CFAP299: variants seen among roughly 807,000 people sequenced by gnomAD.
The protein encoded by CFAP299 is cilia and flagella associated protein 299, also known as cilia- and flagella-associated protein 299.
CFAP299 carries 21 observed loss-of-function variants against 27.0 expected under a neutral mutation model. The ratio of observed to expected loss-of-function variants is 0.78; its 90% CI spans 0.55 to 1.12. The LOEUF is 1.12. Ranked by LOEUF, CFAP299 falls within the 50% of genes most tolerant of loss-of-function variation. The pLI is 0.00. For missense variants in CFAP299, 310 were observed against 276.6 expected (o/e 1.12, Z -0.86); for synonymous variants, 104 against 98.1 (o/e 1.06, Z -0.36).
Position 80,788,693 on chromosome 4 carries a change from A to T in CFAP299, c.334-81300A>T, listed in dbSNP as rs1366863188. 2.0e-5 allele frequency among the ~76,000 whole-genome samples: 3 copies of T among 151,874 alleles called. No homozygotes were observed. In the East Asian group the frequency reaches 5.8e-4, roughly 29 times the overall value. ...AAAAGATCTTTTCTTCTGTTTGCTG[A>T]CCATTCTAGGTGCACAGTTTATACT... On this transcript the variant is annotated intron_variant, in intron 3 of 5. Transcript: ENST00000358105.
chr4:80,411,375 C>G (rs1329567920), intron 2 of CFAP299, among the ~76,000 whole-genome samples: 4 of 152,064 alleles, frequency 2.6e-5, no homozygotes, highest in Non-Finnish European at 5.9e-5. Context: ...TTATCACTGC[C>G]TAAGGTTTGC....
chr4:80,368,566 A>G (rs1723961795), intron 2 of CFAP299, among the ~76,000 whole-genome samples: 2 of 152,118 alleles, frequency 1.3e-5, no homozygotes, highest in South Asian at 2.1e-4. Flanking sequence ...TTGAGATAGA[A>G]CTGCCTGAGC....
intron 3 of CFAP299, among the ~76,000 whole-genome samples, chr4:80,690,461 T>C (rs2110015363): frequency 6.6e-6 from 1 of 151,954 alleles, no homozygotes; most frequent in South Asian, 2.1e-4. Flanking sequence ...CATAACGAAA[T>C]GAAGGCAGAA....
At chr4:80,401,449 C>A (rs1044264193) in intron 2 of CFAP299, among the ~76,000 whole-genome samples, 19 of 152,278 alleles carry the variant, frequency 1.2e-4, no homozygotes, top group African/African-American at 4.1e-4. Flanking sequence ...CTGAAAGGGG[C>A]CAATGTACAG....
At chr4:80,488,652 A>G (rs1327308506) in intron 2 of CFAP299, among the ~76,000 whole-genome samples, 4 of 152,026 alleles carry the variant, frequency 2.6e-5, no homozygotes, top group Non-Finnish European at 4.4e-5. Flanking sequence ...TTGTTTTTGT[A>G]TTCTTAATAG....
At chr4:80,803,880 A>T (rs1728735247) in intron 3 of CFAP299, among the ~76,000 whole-genome samples, 1 of 151,994 alleles carries the variant, frequency 6.6e-6, no homozygotes, top group Admixed American at 6.6e-5. Flanking sequence ...TTGTGCTGTT[A>T]CAACAAAATA....
At chr4:80,797,258 G>T (rs1194773795) in intron 3 of CFAP299, among the ~76,000 whole-genome samples, 1 of 152,122 alleles carries the variant, frequency 6.6e-6, no homozygotes, top group African/African-American at 2.4e-5. Context: ...CCTTCCTCAA[G>T]GGGACCCAGC....
intron 2 of CFAP299, among the ~76,000 whole-genome samples, chr4:80,393,132 G>A (rs931209089): frequency 6.6e-6 from 1 of 152,052 alleles, no homozygotes; most frequent in South Asian, 2.1e-4. Context: ...TAACAAAAAA[G>A]TTTTAAAAGC....
intron 2 of CFAP299, among the ~76,000 whole-genome samples, chr4:80,417,807 C>T (rs1467407761): frequency 1.3e-5 from 2 of 151,836 alleles, no homozygotes; most frequent in Non-Finnish European, 2.9e-5. Context: ...CGTATATGTA[C>T]ATGTGTATAT....
chr4:80,349,291 A>G (rs1722908556), intron 1 of CFAP299, among the ~76,000 whole-genome samples: 1 of 152,194 alleles, frequency 6.6e-6, no homozygotes, highest in African/African-American at 2.4e-5. Flanking sequence ...GTTCACCCTG[A>G]CATGTAACTA....
intron 2 of CFAP299, among the ~76,000 whole-genome samples, chr4:80,455,577 A>G (rs888320470): frequency 3.9e-5 from 6 of 152,214 alleles, no homozygotes; most frequent in Non-Finnish European, 7.3e-5. Flanking sequence ...AAAAAGATAG[A>G]TGGAATGAAG....
intron 2 of CFAP299, chr4:80,386,274 C>A (rs1724983666): frequency 8.2e-7 from 1 of 1,226,654 alleles, no homozygotes; most frequent in Non-Finnish European, 1.2e-6. Flanking sequence ...TGGAGCCCAG[C>A]CCCTCAGCTG....
At position 80,934,945 on chromosome 4, in the gene CFAP299, G is replaced by C. The variant is rs192339268; in HGVS notation, c.477-9865G>C. The stretch of plus-strand genomic sequence containing the variant: ...CTGAGTTTAGCTTTTTGTTTTTATA[G>C]CTCCTTGAATATAAATTTAGATTAT... On this transcript the variant is annotated intron_variant, in intron 4 of 5. Coordinates refer to ENST00000358105, the MANE Select transcript of CFAP299 (RefSeq NM_152770.3). Among the ~76,000 whole-genome samples, 611 of 151,530 alleles carry C rather than the reference G, an allele frequency of 4.0e-3. 1 individual carries two copies. The highest frequency in any genetic ancestry group is 0.014 in the Middle Eastern group (4 of 292).
intron 3 of CFAP299, among the ~76,000 whole-genome samples, chr4:80,746,022 C>T (rs1724563995): frequency 6.6e-6 from 1 of 152,128 alleles, no homozygotes; most frequent in South Asian, 2.1e-4. Flanking sequence ...CTTCTGGGTT[C>T]AGGTGATCAG....
intron 2 of CFAP299, among the ~76,000 whole-genome samples, chr4:80,442,418 A>C (rs1391213027): frequency 6.6e-6 from 1 of 152,238 alleles, no homozygotes; most frequent in Non-Finnish European, 1.5e-5. Flanking sequence ...AAAACCGCAG[A>C]ACTACATGGA....
chr4:80,687,885 G>T (rs376070922), intron 3 of CFAP299, among the ~76,000 whole-genome samples: 3 of 152,212 alleles, frequency 2.0e-5, no homozygotes, highest in Non-Finnish European at 4.4e-5. Flanking sequence ...GGAAGCACAG[G>T]GGGGTCAGGG....
chr4:80,892,031 A>G (rs1004912507), intron 4 of CFAP299, among the ~76,000 whole-genome samples: 62 of 152,218 alleles, frequency 4.1e-4, no homozygotes, highest in Middle Eastern at 3.4e-3. Context: ...TGGAATGACA[A>G]AAGACCCAGA....
intron 3 of CFAP299, among the ~76,000 whole-genome samples, chr4:80,748,834 G>A (rs956813706): frequency 6.6e-6 from 1 of 152,072 alleles, no homozygotes; most frequent in Non-Finnish European, 1.5e-5. Context: ...ATTTGCCCAC[G>A]TGTTCAGCCT....
chr4:80,623,419 C>G (rs1738709490), intron 3 of CFAP299, among the ~76,000 whole-genome samples: 1 of 151,866 alleles, frequency 6.6e-6, no homozygotes, highest in African/African-American at 2.4e-5. Flanking sequence ...TGTATAGAAC[C>G]AAACGAAGAG....
Sources: gnomAD v4.1 joint callset for allele counts (sites outside exome capture counted in the v4.1 genomes callset) on GRCh38, gnomAD v4.1.1 for gene constraint, MANE v1.5 for transcripts, NCBI Gene and HGNC (gene_info 2026-07-23, HGNC 2026-07-21) for gene names.